Variants in MREG observed in about 807,000 individuals in gnomAD.
The protein encoded by MREG is melanoregulin.
MREG carries 31 observed loss-of-function variants against 28.5 expected under a neutral mutation model. The observed-to-expected ratio is 1.09, with a 90% CI of 0.82 to 1.47. MREG has a LOEUF of 1.47. Among genes scored for constraint, MREG ranks in the 40% most tolerant of loss-of-function variants. The probability of loss-of-function intolerance (pLI) is 0.00; values close to 1 mark genes in which losing one functional copy is unlikely to be tolerated. For synonymous variants in MREG, 106 were observed against 95.2 expected (o/e 1.11, Z -0.66); for missense variants, 256 against 257.4 (o/e 0.99, Z 0.04).
intron 2 of MREG, among the ~76,000 whole-genome samples, chr2:215,991,873 A>G (rs995121333): frequency 2.0e-5 from 3 of 152,234 alleles, no homozygotes; most frequent in Non-Finnish European, 4.4e-5. Flanking sequence ...GAATAGACCA[A>G]TAACAAGTTC....
intron 3 of MREG, among the ~76,000 whole-genome samples, 172 bp downstream of exon 3, chr2:215,946,850 AT>A (rs1450885478): frequency 6.6e-6 from 1 of 152,248 alleles, no homozygotes; most frequent in Admixed American, 6.5e-5. Context: ...CAACAGAAAC[AT>A]CAGGCATTTA....
rs182023873 is a variant in MREG at position 215,985,172 on chromosome 2, T to G, written c.255+11134A>C. Among the ~76,000 whole-genome samples, 54 of 152,348 alleles carry G rather than the reference T, an allele frequency of 3.5e-4. No homozygotes were observed. The Middle Eastern group carries it at 0.01, about 29-fold the overall frequency. On this transcript the variant is annotated intron_variant, in intron 2 of 4. Coordinates refer to ENST00000263268, the MANE Select transcript of MREG (RefSeq NM_018000.3). The stretch of plus-strand genomic sequence containing the variant: ...ACAGTGCCTGGCACTATTTTCATTA[T>G]TATTAATATCTTAGAGAATAAGTTC...
Position 216,019,649 on chromosome 2 carries a change from C to T in MREG, c.-68+13140G>A, listed in dbSNP as rs574392890. 6.6e-5 allele frequency among the ~76,000 whole-genome samples: 10 copies of T among 151,990 alleles called. No homozygotes were observed. In the South Asian group the frequency reaches 1.5e-3, roughly 22 times the overall value. On this transcript the variant is annotated intron_variant, in intron 1 of 3. Coordinates refer to the MREG transcript ENST00000420348. The stretch of plus-strand genomic sequence containing the variant: ...CCTCCCGAGTAGCTGGGACTATAGG[C>T]GCCCGCCACCATGCCCGGCTAATTG...
chr2:215,986,397 T>C (rs2106005998), intron 2 of MREG, among the ~76,000 whole-genome samples: 1 of 152,322 alleles, frequency 6.6e-6, no homozygotes, highest in African/African-American at 2.4e-5. Context: ...AAAAGCAGTA[T>C]GAGTTTCCAA....
chr2:215,981,499 G>T (rs143487177), intron 2 of MREG, among the ~76,000 whole-genome samples: 255 of 152,300 alleles, frequency 1.7e-3, no homozygotes, highest in Non-Finnish European at 3.1e-3. Flanking sequence ...AGGAGCTGGG[G>T]AGTTATTGTC....
At chr2:215,988,393 A>G (rs545999984) in intron 2 of MREG, among the ~76,000 whole-genome samples, 5 of 152,292 alleles carry the variant, frequency 3.3e-5, no homozygotes, top group Non-Finnish European at 7.4e-5. Flanking sequence ...TGGACTATGC[A>G]AGCTGCAGAC....
At chr2:215,950,208 T>A (rs911640359) in intron 2 of MREG, among the ~76,000 whole-genome samples, 1 of 152,240 alleles carries the variant, frequency 6.6e-6, no homozygotes, top group Admixed American at 6.5e-5. Context: ...TTTTAGCTCC[T>A]TAGGCTGATG....
chr2:216,019,305 C>T (rs748098249), intron 1 of MREG, among the ~76,000 whole-genome samples: 5 of 152,046 alleles, frequency 3.3e-5, no homozygotes, highest in East Asian at 1.9e-4. Flanking sequence ...GATGAGAGAG[C>T]GAGCTAATCC....
At chr2:216,018,046 C>G (rs1694472502), upstream of MREG, among the ~76,000 whole-genome samples, 1 of 151,802 alleles carries the variant, frequency 6.6e-6, no homozygotes, top group Non-Finnish European at 1.5e-5. Context: ...GCCTGTAATC[C>G]CAGCTACTCG....
intron 2 of MREG, among the ~76,000 whole-genome samples, chr2:215,971,639 A>G (rs1693099905): frequency 6.6e-6 from 1 of 152,206 alleles, no homozygotes; most frequent in Admixed American, 6.5e-5. Flanking sequence ...AGGTACAGGC[A>G]GAATAAGGTA....
In MREG at chr2:215,996,302, T is replaced by A; in HGVS notation, c.255+4A>T. The A allele has an allele frequency of 6.2e-7, 1 of 1,612,158 alleles. No homozygotes were observed. Among genetic ancestry groups the A allele is most frequent in the Non-Finnish European group, 8.5e-7 (1 of 1,179,430 alleles). The stretch of plus-strand genomic sequence containing the variant: ...CGCACAGCAAGACATCAAAAGGTGC[T>A]CACCTCTGAGTCTTTGGCCTGCTGA... On this transcript the variant is annotated splice_donor_region_variant and intron_variant, in intron 2 of 4. Coordinates refer to ENST00000263268, the MANE Select transcript of MREG (RefSeq NM_018000.3).
chr2:216,005,940 T>C (rs1207978789), intron 1 of MREG, among the ~76,000 whole-genome samples: 1 of 151,898 alleles, frequency 6.6e-6, no homozygotes. Context: ...CAAAATTATT[T>C]CCTAAAAGGG....
chr2:215,974,032 G>C (rs1011795025), intron 2 of MREG, among the ~76,000 whole-genome samples: 26 of 152,276 alleles, frequency 1.7e-4, no homozygotes, highest in Non-Finnish European at 3.4e-4. Context: ...TAACAACAAA[G>C]ACAACAGCAT....
At chr2:216,014,284 C>T (rs901199063), upstream of MREG, among the ~76,000 whole-genome samples, 4 of 152,078 alleles carry the variant, frequency 2.6e-5, no homozygotes, top group African/African-American at 7.2e-5. Context: ...GGGTGGATTC[C>T]GGCCTTTCAT....
At chr2:215,977,291 A>G (rs1005232961) in intron 2 of MREG, among the ~76,000 whole-genome samples, 4 of 152,256 alleles carry the variant, frequency 2.6e-5, no homozygotes, top group Non-Finnish European at 4.4e-5. Context: ...GAAGGCTATT[A>G]CATAATGGTA....
At chr2:215,940,778 A>G (rs1181159525), downstream of MREG, among the ~76,000 whole-genome samples, 1 of 152,178 alleles carries the variant, frequency 6.6e-6, no homozygotes, top group Non-Finnish European at 1.5e-5. Flanking sequence ...ACTAAGATGC[A>G]GTCACAACAA....
At chr2:215,963,249 C>T (rs1289996810) in intron 2 of MREG, among the ~76,000 whole-genome samples, 6 of 151,838 alleles carry the variant, frequency 4.0e-5, no homozygotes, top group African/African-American at 1.5e-4. Context: ...CACTTGATCT[C>T]AGGAGTTCAG....
At chr2:215,942,577 A>G (rs1002926734), downstream of MREG, among the ~76,000 whole-genome samples, 2 of 152,246 alleles carry the variant, frequency 1.3e-5, no homozygotes, top group Non-Finnish European at 2.9e-5. Flanking sequence ...TATAACACAC[A>G]TCCAGCTGAA....
intron 2 of MREG, among the ~76,000 whole-genome samples, chr2:215,960,628 GATCGAGACC>G (rs367630579): frequency 0.01 from 1,540 of 152,092 alleles, 14 homozygotes; most frequent in East Asian, 0.047. Flanking sequence ...AAGGTCAGGA[GATCGAGACC>G]ATTCTGGCTA....
Sources: gnomAD v4.1 joint callset for allele counts (sites outside exome capture counted in the v4.1 genomes callset) on GRCh38, gnomAD v4.1.1 for gene constraint, MANE v1.5 for transcripts, NCBI Gene and HGNC (gene_info 2026-07-23, HGNC 2026-07-21) for gene names.